The following HOXB3 variants were observed in gnomAD, a reference collection of about 807,000 sequenced individuals.
The protein encoded by HOXB3 is homeobox B3.
HOXB3 carries 17 observed loss-of-function variants against 29.2 expected under a neutral mutation model. The ratio of observed to expected loss-of-function variants is 0.58; its 90% confidence interval spans 0.40 to 0.87. HOXB3 has a LOEUF of 0.87. Ranked by LOEUF, HOXB3 falls within the 40% of genes least tolerant of loss-of-function variation. The pLI, the probability that HOXB3 is intolerant of heterozygous loss-of-function variation, is 0.00. For synonymous variants in HOXB3, 317 were observed against 285.9 expected, an observed-to-expected ratio of 1.11 and a Z score of -1.10; for missense variants, 637 against 616.3, an observed-to-expected ratio of 1.03 and a Z score of -0.35.
intron 1 of HOXB3, among the ~76,000 whole-genome samples, chr17:48,586,796 C>A (rs571358874): frequency 6.6e-6 from 1 of 152,234 alleles, no homozygotes; most frequent in African/African-American, 2.4e-5. Flanking sequence ...TCACTACCAA[C>A]AACAACGGGA....
intron 1 of HOXB3, chr17:48,576,561 C>T (rs915234860): frequency 2.7e-5 from 15 of 548,896 alleles, no homozygotes; most frequent in Non-Finnish European, 4.2e-5. Context: ...TAAAGCTTCC[C>T]CTCCCCCTCT....
chr17:48,580,589 G>A (rs183867525), intron 1 of HOXB3: 2 of 152,258 alleles, frequency 1.3e-5, no homozygotes, highest in African/African-American at 4.8e-5. Context: ...GGGCAATTCC[G>A]TTTACAACCT....
chr17:48,577,459 G>T (rs570346733), intron 1 of HOXB3, among the ~76,000 whole-genome samples: 155 of 152,278 alleles, frequency 1.0e-3, no homozygotes, highest in African/African-American at 3.6e-3. Flanking sequence ...TCCAGCCAAG[G>T]AGTCAGACTG....
chr17:48,561,854 G>A (rs1007125844), intron 2 of HOXB3, among the ~76,000 whole-genome samples: 3 of 152,254 alleles, frequency 2.0e-5, no homozygotes, highest in African/African-American at 2.4e-5. Flanking sequence ...CATGTGTATG[G>A]AGGGAAGGGG....
chr17:48,559,882 A>G (rs1259023340), intron 2 of HOXB3: 1 of 152,286 alleles, frequency 6.6e-6, no homozygotes, highest in Non-Finnish European at 1.5e-5. Flanking sequence ...GTGGCAGGAC[A>G]AAAAGGGCAG....
chr17:48,567,552 C>T (rs969557113), intron 2 of HOXB3, among the ~76,000 whole-genome samples: 1 of 152,114 alleles, frequency 6.6e-6, no homozygotes, highest in Non-Finnish European at 1.5e-5. Context: ...CCAGCAGCCT[C>T]TCCCCTAGTA....
At chr17:48,565,647 T>G (rs574790934) in intron 2 of HOXB3, among the ~76,000 whole-genome samples, 1 of 152,388 alleles carries the variant, frequency 6.6e-6, no homozygotes, top group African/African-American at 2.4e-5. Flanking sequence ...CCCATTAGGT[T>G]GAGTCTCTTC....
At chr17:48,574,546 G>A (rs1427051898) in intron 1 of HOXB3, 4 of 152,112 alleles carry the variant, frequency 2.6e-5, no homozygotes, top group Non-Finnish European at 4.4e-5. Context: ...AAAGGAGATG[G>A]GACTGAAAAA....
At position 48,552,043 on chromosome 17, in the gene HOXB3, GT is replaced by G; in HGVS notation, c.431del (p.Asn144ThrfsTer76). ...AACTGGTACCTGTGCCGGGGGAGTT[GT>G]TTTTCAGCTTGGACGTTTGCCTCGA... ...KESRQTSKLK[N>X]NSPGTAEGCG... On this transcript the variant is annotated frameshift_variant, in exon 4 of 5. Transcript: ENST00000498678. LOFTEE classifies it high-confidence loss of function. The G allele has an allele frequency of 6.3e-7, 1 of 1,580,830 alleles. No individual in the cohort carries two copies. The highest frequency in any genetic ancestry group is 8.6e-7 in the Non-Finnish European group (1 of 1,159,322).
chr17:48,587,880 A>T (rs535133105), intron 1 of HOXB3, among the ~76,000 whole-genome samples: 3 of 152,382 alleles, frequency 2.0e-5, no homozygotes, highest in Non-Finnish European at 4.4e-5. Context: ...GAGGGAAAAG[A>T]GAAACTGCAG....
Position 48,554,159 on chromosome 17 carries a change from T to C in HOXB3, c.-159+1372A>G, listed in dbSNP as rs780022131. On this transcript the variant is annotated intron_variant, in intron 3 of 4. Coordinates refer to ENST00000498678, the MANE Select transcript of HOXB3 (RefSeq NM_001384749.1). The surrounding 1 kb of genome is among the most constrained non-coding windows in gnomAD (Gnocchi z 4.1). Reference sequence around the variant, plus strand: ...CCAATCCCTTTATTATTATTACCATTAGCCTCTGCTGATTTAACCAAAATT... The same window carrying C: ...CCAATCCCTTTATTATTATTACCATCAGCCTCTGCTGATTTAACCAAAATT... 1 of 175,882 alleles carries C rather than the reference T, an allele frequency of 5.7e-6. No individual in the cohort carries two copies. The highest frequency in any genetic ancestry group is 1.2e-5 in the Non-Finnish European group (1 of 81,338). 10.9% of individuals were successfully genotyped at this position (175,882 alleles called of 1,614,324 possible). A position where few individuals can be genotyped will look rare whatever the true frequency, so the allele number is the denominator to read the frequency against.
chr17:48,550,123 G>T lies in HOXB3; in HGVS notation c.*211C>A. 1.7e-6 allele frequency: 1 copy of T among 601,718 alleles called. No individual in the cohort carries two copies. The highest frequency in any genetic ancestry group is 2.9e-6 in the Non-Finnish European group (1 of 346,354). 37.3% of individuals were successfully genotyped at this position (601,718 alleles called of 1,614,324 possible). On this transcript the variant is annotated 3_prime_UTR_variant, in exon 5 of 5. Transcript: ENST00000498678. ...TCCAATATGATGTGGATTCCTTTCC[G>T]ATGGGTTGGCAGGCAGATGGAACAA...
intron 2 of HOXB3, among the ~76,000 whole-genome samples, chr17:48,569,847 A>C (rs905924429): frequency 1.4e-4 from 22 of 152,234 alleles, no homozygotes; most frequent in African/African-American, 5.1e-4. Context: ...AGAGTTGAGA[A>C]TAACCGCAAG....
intron 1 of HOXB3, chr17:48,578,638 C>CGA (rs1217365848): frequency 3.5e-5 from 11 of 314,832 alleles, no homozygotes; most frequent in Middle Eastern, 2.0e-3. Flanking sequence ...AGAGAGAGAG[C>CGA]GAGAGAGAGA....
At chr17:48,556,867 G>A in intron 2 of HOXB3, 1 of 152,190 alleles carries the variant, frequency 6.6e-6, no homozygotes, top group Non-Finnish European at 1.5e-5. Flanking sequence ...TAAATGCACT[G>A]GCAGAAGAGA....
intron 1 of HOXB3, chr17:48,580,579 G>C (rs1465795872): frequency 6.6e-6 from 1 of 152,056 alleles, no homozygotes; most frequent in Non-Finnish European, 1.5e-5. Flanking sequence ...ATTTAATGAC[G>C]GGCAATTCCG....
chr17:48,582,773 GA>G (rs1048277869), intron 1 of HOXB3, among the ~76,000 whole-genome samples: 1 of 152,092 alleles, frequency 6.6e-6, no homozygotes, highest in African/African-American at 2.4e-5. Flanking sequence ...ACCCCCACCC[GA>G]AAAAAGTCCC....
chr17:48,584,805 T>C (rs1220197574), intron 1 of HOXB3, among the ~76,000 whole-genome samples: 1 of 152,162 alleles, frequency 6.6e-6, no homozygotes, highest in Non-Finnish European at 1.5e-5. Flanking sequence ...CCCAGATATC[T>C]GCCTCTTCGC....
In HOXB3 at chr17:48,551,199, G is replaced by A. The variant is rs761211181; in HGVS notation, c.449-18C>T. On this transcript the variant is annotated intron_variant, in intron 4 of 4. Coordinates refer to ENST00000498678, the MANE Select transcript of HOXB3 (RefSeq NM_001384749.1). Reference sequence around the variant, plus strand: ...GCCCTCTGCTGGATCCGAGGGGGAGGGGTGGGAAGGGGAGAAAATGAAATA... The same window carrying A: ...GCCCTCTGCTGGATCCGAGGGGGAGAGGTGGGAAGGGGAGAAAATGAAATA... 5.5e-6 allele frequency: 7 copies of A among 1,282,710 alleles called. No individual in the cohort carries two copies. The East Asian group carries it at 2.1e-4, about 39-fold the overall frequency. The allele number at this position is 1,282,710 out of a possible 1,614,324, so 79.5% of individuals were successfully genotyped here.
Sources: gnomAD v4.1 joint callset for allele counts (sites outside exome capture counted in the v4.1 genomes callset) on GRCh38, gnomAD v4.1.1 for gene constraint, Gnocchi (gnomAD v3.1) non-coding constraint, MANE v1.5 for transcripts, NCBI Gene and HGNC (gene_info 2026-07-23, HGNC 2026-07-21) for gene names.